FHIT: variants seen among roughly 807,000 people sequenced by gnomAD.
The protein encoded by FHIT is bis(5'-adenosyl)-triphosphatase.
Under a neutral mutation model 17.9 loss-of-function variants are expected in FHIT, and 19 were observed. That is an observed-to-expected ratio of 1.06 (90% confidence interval 0.74 to 1.56). FHIT has a LOEUF of 1.56. Among genes scored for constraint, FHIT ranks in the 40% most tolerant of loss-of-function variants. The pLI, the probability that FHIT is intolerant of heterozygous loss-of-function variation, is 0.00. For missense variants in FHIT, 248 were observed against 189.2 expected, an observed-to-expected ratio of 1.31 and a Z score of -1.82; for synonymous variants, 81 against 69.7, an observed-to-expected ratio of 1.16 and a Z score of -0.81.
intron 5 of FHIT, among the ~76,000 whole-genome samples, chr3:60,164,534 G>A (rs936428945): frequency 5.9e-5 from 9 of 152,042 alleles, no homozygotes; most frequent in African/African-American, 1.4e-4. Flanking sequence ...CATTACAGAG[G>A]CCCTTTTGAC....
At chr3:60,092,593 G>A (rs186098316) in intron 5 of FHIT, among the ~76,000 whole-genome samples, 1 of 152,170 alleles carries the variant, frequency 6.6e-6, no homozygotes, top group Non-Finnish European at 1.5e-5. Context: ...TCAGACCAAG[G>A]GTAAGTATGG....
chr3:60,626,783 C>CTTTTTTTTTTTTTT lies in FHIT; in HGVS notation c.-17-89805_-17-89804insAAAAAAAAAAAAAA, dbSNP rs71627548. ...TTCTTCCTTATCTTAGGGGAAAACA[C>CTTTTTTTTTTTTTT]TCTTTTTTTTTTTTTTTTTTACGTT... On this transcript the variant is annotated intron_variant, in intron 4 of 9. Transcript: ENST00000492590. Among the ~76,000 whole-genome samples, 4 of 85,942 alleles carry CTTTTTTTTTTTTTT rather than the reference C, an allele frequency of 4.7e-5. 1 individual carries two copies. The highest frequency in any genetic ancestry group is 5.7e-5 in the Non-Finnish European group (2 of 35,216). The allele number at this position is 85,942 out of a possible 152,430, so 56.4% of individuals were successfully genotyped here.
intron 3 of FHIT, among the ~76,000 whole-genome samples, chr3:60,918,558 G>C (rs1707123010): frequency 6.6e-6 from 1 of 152,180 alleles, no homozygotes; most frequent in South Asian, 2.1e-4. Context: ...GAGGAGGAGA[G>C]ATTTGTGTAG....
chr3:59,998,168 G>A (rs1304339201), intron 7 of FHIT, among the ~76,000 whole-genome samples: 3 of 152,030 alleles, frequency 2.0e-5, no homozygotes, highest in Non-Finnish European at 4.4e-5. Context: ...TGAGCCAATC[G>A]ACTCCTGAAA....
At chr3:59,899,926 A>G (rs1000274863) in intron 8 of FHIT, among the ~76,000 whole-genome samples, 11 of 152,220 alleles carry the variant, frequency 7.2e-5, no homozygotes, top group Non-Finnish European at 1.5e-5. Context: ...CGTTTTCTAT[A>G]AAGGTCCAGA....
chr3:60,475,177 G>A (rs1444888344), intron 5 of FHIT, among the ~76,000 whole-genome samples: 1 of 152,126 alleles, frequency 6.6e-6, no homozygotes, highest in African/African-American at 2.4e-5. Context: ...CTGGGCCAGA[G>A]ACTCTTTGTT....
intron 8 of FHIT, among the ~76,000 whole-genome samples, chr3:59,786,393 A>G (rs1286586283): frequency 6.6e-6 from 1 of 152,156 alleles, no homozygotes; most frequent in Non-Finnish European, 1.5e-5. Flanking sequence ...ACCTTTACAA[A>G]TTTGTAGCAC....
chr3:60,195,277 G>A (rs1035154757), intron 5 of FHIT, among the ~76,000 whole-genome samples: 11 of 151,748 alleles, frequency 7.2e-5, no homozygotes, highest in Non-Finnish European at 1.6e-4. Context: ...ACATGGATGT[G>A]GTAAAAAAGG....
chr3:60,177,266 TA>T (rs746547888), intron 5 of FHIT, among the ~76,000 whole-genome samples: 2,447 of 131,544 alleles, frequency 0.019, 32 homozygotes, highest in African/African-American at 0.046. Context: ...AAGCCAAGGT[TA>T]AAAAAAAAAA....
intron 5 of FHIT, among the ~76,000 whole-genome samples, chr3:60,015,955 C>T (rs987403232): frequency 1.4e-4 from 21 of 152,158 alleles, no homozygotes; most frequent in African/African-American, 5.1e-4. Flanking sequence ...AGAAGAACAG[C>T]AGATAGCTTT....
At chr3:60,177,846 C>T (rs547784142) in intron 5 of FHIT, among the ~76,000 whole-genome samples, 41 of 152,310 alleles carry the variant, frequency 2.7e-4, no homozygotes, top group Admixed American at 2.3e-3. Flanking sequence ...GTCACAATCA[C>T]ATTTTGGTAT....
At chr3:60,322,472 A>G (rs528164130) in intron 5 of FHIT, among the ~76,000 whole-genome samples, 48 of 152,214 alleles carry the variant, frequency 3.2e-4, no homozygotes, top group Non-Finnish European at 6.6e-4. Context: ...ACTTTATATT[A>G]CATAATCCTT....
intron 5 of FHIT, among the ~76,000 whole-genome samples, chr3:60,426,762 C>A (rs957076754): frequency 1.3e-5 from 2 of 152,142 alleles, no homozygotes; most frequent in African/African-American, 4.8e-5. Context: ...GTAAGGACTG[C>A]TCTTCCTCAT....
intron 2 of FHIT, among the ~76,000 whole-genome samples, chr3:61,119,782 C>T (rs2036402932): frequency 1.3e-5 from 2 of 152,270 alleles, no homozygotes; most frequent in Middle Eastern, 3.4e-3. Flanking sequence ...AGCCTTCTCC[C>T]GCCCTTGGGC....
At chr3:61,234,565 A>G (rs1199149167) in intron 1 of FHIT, among the ~76,000 whole-genome samples, 2 of 152,244 alleles carry the variant, frequency 1.3e-5, no homozygotes, top group Non-Finnish European at 2.9e-5. Context: ...TGCATGCAAT[A>G]AAAACAATGG....
chr3:60,453,852 T>C (rs79885379), intron 5 of FHIT, among the ~76,000 whole-genome samples: 2 of 152,144 alleles, frequency 1.3e-5, no homozygotes, highest in South Asian at 4.1e-4. Flanking sequence ...AGCATGCTAA[T>C]AAGAACACTG....
rs116047602 is a variant in FHIT at position 60,052,917 on chromosome 3, T to C, written c.104-38765A>G. 9.6e-3 allele frequency among the ~76,000 whole-genome samples: 1,455 copies of C among 152,036 alleles called. 19 individuals are homozygous for C. The highest frequency in any genetic ancestry group is 0.033 in the African/African-American group (1,385 of 41,500). ...GTGTTATTTATCAGAAAGTCAAATT[T>C]ATGGCAGTTAAACCTGCCAGCCCAA... is the stretch of plus-strand genomic sequence containing the variant. On this transcript the variant is annotated intron_variant, in intron 5 of 9. Coordinates refer to ENST00000492590, the MANE Select transcript of FHIT (RefSeq NM_002012.4).
chr3:59,808,838 T>C (rs1392933205), intron 8 of FHIT, among the ~76,000 whole-genome samples: 1 of 152,188 alleles, frequency 6.6e-6, no homozygotes, highest in Non-Finnish European at 1.5e-5. Context: ...AACAATGTCT[T>C]CTGATACTTC....
At chr3:59,858,236 C>CTTTTTTTTTTTTTT (rs563841299) in intron 8 of FHIT, among the ~76,000 whole-genome samples, 1 of 84,452 alleles carries the variant, frequency 1.2e-5, no homozygotes, top group Non-Finnish European at 2.1e-5. Flanking sequence ...TTCCCACCTT[C>CTTTTTTTTTTTTTT]TTTTTTTTTT....
Sources: gnomAD v4.1 joint callset for allele counts (sites outside exome capture counted in the v4.1 genomes callset) on GRCh38, gnomAD v4.1.1 for gene constraint, MANE v1.5 for transcripts, NCBI Gene and HGNC (gene_info 2026-07-23, HGNC 2026-07-21) for gene names.